CAMKMT: variants seen among roughly 807,000 people sequenced by gnomAD.
The protein encoded by CAMKMT is calmodulin-lysine N-methyltransferase.
In CAMKMT, 53 loss-of-function variants were observed where a neutral mutation model predicts 48.0. The observed-to-expected ratio is 1.10, with a 90% confidence interval of 0.89 to 1.39. CAMKMT has a LOEUF of 1.39. Among genes scored for constraint, CAMKMT ranks in the 40% most tolerant of loss-of-function variants. The pLI, the probability that CAMKMT is intolerant of heterozygous loss-of-function variation, is 0.00. For missense variants in CAMKMT, 428 were observed against 402.7 expected (o/e 1.06, Z -0.54); for synonymous variants, 165 against 152.3 (o/e 1.08, Z -0.61).
At chr2:44,747,774 T>C (rs182785331) in intron 8 of CAMKMT, among the ~76,000 whole-genome samples, 9 of 152,310 alleles carry the variant, frequency 5.9e-5, no homozygotes, top group African/African-American at 2.2e-4. Context: ...AGGGAGGTGA[T>C]GAAAATGGTC....
At chr2:44,549,871 G>T in intron 3 of CAMKMT, 1 of 355,986 alleles carries the variant, frequency 2.8e-6, no homozygotes, top group East Asian at 4.4e-5. Context: ...TAAAAGTCTT[G>T]GTGTTATGTG....
chr2:44,702,796 G>A (rs1677325500), intron 3 of CAMKMT, among the ~76,000 whole-genome samples: 1 of 152,156 alleles, frequency 6.6e-6, no homozygotes, highest in African/African-American at 2.4e-5. Flanking sequence ...GGGCTTCCCT[G>A]CAACAAATGC....
intron 3 of CAMKMT, among the ~76,000 whole-genome samples, chr2:44,425,950 C>T (rs1425813850): frequency 2.6e-5 from 4 of 152,196 alleles, no homozygotes; most frequent in East Asian, 3.9e-4. Flanking sequence ...AGGCTGGTCT[C>T]GAACTCCTGA....
At chr2:44,658,113 G>A (rs191732771) in intron 3 of CAMKMT, among the ~76,000 whole-genome samples, 2 of 152,288 alleles carry the variant, frequency 1.3e-5, no homozygotes, top group Admixed American at 1.3e-4. Flanking sequence ...TGTGGTCATT[G>A]AGCCTCCTGT....
intron 3 of CAMKMT, among the ~76,000 whole-genome samples, chr2:44,530,529 C>T (rs886397213): frequency 2.6e-5 from 4 of 152,086 alleles, no homozygotes; most frequent in African/African-American, 9.7e-5. Flanking sequence ...GATGTGTTTG[C>T]TGTGAATGAT....
chr2:44,500,443 A>G (rs1206998250), intron 3 of CAMKMT, among the ~76,000 whole-genome samples: 4 of 152,098 alleles, frequency 2.6e-5, no homozygotes, highest in Admixed American at 6.6e-5. Flanking sequence ...TAATTATTTA[A>G]AAGATTTTTG....
chr2:44,611,999 T>C (rs986425210), intron 3 of CAMKMT, among the ~76,000 whole-genome samples: 26 of 152,136 alleles, frequency 1.7e-4, no homozygotes, highest in African/African-American at 6.0e-4. Context: ...ACCTCCAGTA[T>C]TGTGGATCTC....
chr2:44,531,253 A>G (rs1666469028), intron 3 of CAMKMT, among the ~76,000 whole-genome samples: 1 of 152,142 alleles, frequency 6.6e-6, no homozygotes, highest in Non-Finnish European at 1.5e-5. Context: ...CTTTTAAATA[A>G]TGGGTCTAAT....
intron 3 of CAMKMT, among the ~76,000 whole-genome samples, chr2:44,490,711 A>G (rs548608648): frequency 3.9e-5 from 6 of 152,220 alleles, no homozygotes; most frequent in Non-Finnish European, 7.3e-5. Context: ...CTAGATGAAC[A>G]GTATGTATTT....
chr2:44,426,821 A>G (rs901315384), intron 3 of CAMKMT, among the ~76,000 whole-genome samples: 1 of 152,154 alleles, frequency 6.6e-6, no homozygotes, highest in Non-Finnish European at 1.5e-5. Context: ...TAGAAAAACT[A>G]TCTAAAATTC....
intron 3 of CAMKMT, among the ~76,000 whole-genome samples, chr2:44,396,849 A>G (rs1486969322): frequency 1.3e-5 from 2 of 152,020 alleles, no homozygotes; most frequent in African/African-American, 4.8e-5. Context: ...TCACAAGGTC[A>G]GGAGATCGAG....
intron 3 of CAMKMT, among the ~76,000 whole-genome samples, chr2:44,418,194 A>G (rs1032770229): frequency 5.4e-5 from 8 of 148,228 alleles, no homozygotes; most frequent in African/African-American, 1.7e-4. Context: ...CTCTGTCTCA[A>G]AAAAAAAAAA....
At chr2:44,592,846 T>C (rs924700213) in intron 3 of CAMKMT, among the ~76,000 whole-genome samples, 2 of 152,180 alleles carry the variant, frequency 1.3e-5, no homozygotes, top group Admixed American at 6.5e-5. Flanking sequence ...GAATATGGTC[T>C]AGCTTGGTAA....
chr2:44,493,116 C>T (rs931543096), intron 3 of CAMKMT, among the ~76,000 whole-genome samples: 2 of 151,988 alleles, frequency 1.3e-5, no homozygotes, highest in East Asian at 1.9e-4. Context: ...AGGCTGGTCT[C>T]GAGCTCCTGA....
chr2:44,550,811 C>A (rs984168209), intron 3 of CAMKMT: 2 of 152,164 alleles, frequency 1.3e-5, no homozygotes, highest in African/African-American at 4.8e-5. Context: ...ATTGAGGAGG[C>A]ATTTAATACT....
chr2:44,659,566 C>CAAAA (rs201673397), intron 3 of CAMKMT, among the ~76,000 whole-genome samples: 2 of 113,646 alleles, frequency 1.8e-5, no homozygotes, highest in Non-Finnish European at 3.5e-5. Flanking sequence ...CCCATCTCTA[C>CAAAA]AAAAAAAAAA....
intron 3 of CAMKMT, among the ~76,000 whole-genome samples, chr2:44,542,946 C>A (rs978487677): frequency 8.5e-5 from 13 of 152,130 alleles, no homozygotes; most frequent in African/African-American, 2.9e-4. Context: ...CCTTCATCCT[C>A]CATTCCTCAC....
At chr2:44,465,539 T>G (rs1484676454) in intron 3 of CAMKMT, among the ~76,000 whole-genome samples, 1 of 139,752 alleles carries the variant, frequency 7.2e-6, no homozygotes, top group Admixed American at 7.8e-5. Context: ...GAGGCTGCAG[T>G]GAGCCAAGTT....
chr2:44,720,216 G>A (rs973078985), intron 7 of CAMKMT, among the ~76,000 whole-genome samples: 1 of 152,148 alleles, frequency 6.6e-6, no homozygotes, highest in Admixed American at 6.6e-5. Context: ...GGAGGATGCT[G>A]TATTTTTAGG....
Sources: gnomAD v4.1 joint callset for allele counts (sites outside exome capture counted in the v4.1 genomes callset) on GRCh38, gnomAD v4.1.1 for gene constraint, MANE v1.5 for transcripts, NCBI Gene and HGNC (gene_info 2026-07-23, HGNC 2026-07-21) for gene names.